DPP10: variants seen among roughly 807,000 people sequenced by gnomAD.
The protein encoded by DPP10 is inactive dipeptidyl peptidase 10.
In DPP10, 33 loss-of-function variants were observed where a neutral mutation model predicts 120.9. That is an observed-to-expected ratio of 0.27 (90% CI 0.21 to 0.37). The LOEUF is 0.37. Among genes scored for constraint, DPP10 ranks in the 10% least tolerant of loss-of-function variants. The pLI is 1.00. For missense variants in DPP10, 816 were observed against 942.8 expected, an observed-to-expected ratio of 0.87 and a Z score of 1.76; for synonymous variants, 337 against 326.1, an observed-to-expected ratio of 1.03 and a Z score of -0.36.
At chr2:115,695,222 T>C (rs1179153394) in intron 7 of DPP10, among the ~76,000 whole-genome samples, 3 of 152,168 alleles carry the variant, frequency 2.0e-5, no homozygotes, top group Non-Finnish European at 4.4e-5. Flanking sequence ...CTGAGAAGAC[T>C]TTTTTCACAT....
At chr2:115,122,124 G>A (rs1307673893) in intron 1 of DPP10, among the ~76,000 whole-genome samples, 5 of 152,186 alleles carry the variant, frequency 3.3e-5, no homozygotes, top group Non-Finnish European at 7.3e-5. Context: ...TGAACAGAGT[G>A]TTCCCCATTC....
chr2:115,477,238 A>T (rs1417066886), intron 3 of DPP10, among the ~76,000 whole-genome samples: 2 of 152,164 alleles, frequency 1.3e-5, no homozygotes, highest in Non-Finnish European at 2.9e-5. Context: ...TTCTGTTTAC[A>T]CATGATGTGG....
chr2:115,466,250 A>G (rs1051041236), intron 3 of DPP10, among the ~76,000 whole-genome samples: 9 of 152,242 alleles, frequency 5.9e-5, no homozygotes, highest in Non-Finnish European at 1.3e-4. Flanking sequence ...TTCACTTCAA[A>G]ACGTCTGATA....
intron 1 of DPP10, among the ~76,000 whole-genome samples, chr2:114,626,738 A>G (rs891279185): frequency 1.3e-5 from 2 of 152,118 alleles, no homozygotes; most frequent in African/African-American, 4.8e-5. Flanking sequence ...CTACCAAGTA[A>G]TATTTTAATA....
At chr2:115,675,131 G>C (rs919916703) in intron 5 of DPP10, among the ~76,000 whole-genome samples, 1 of 152,014 alleles carries the variant, frequency 6.6e-6, no homozygotes, top group African/African-American at 2.4e-5. Flanking sequence ...TTCCCTCAAA[G>C]ATGTTATCAT....
intron 5 of DPP10, among the ~76,000 whole-genome samples, chr2:115,650,610 T>G (rs1384241426): frequency 6.6e-6 from 1 of 152,076 alleles, no homozygotes; most frequent in Non-Finnish European, 1.5e-5. Context: ...ACTGTTATTG[T>G]TTACAGATTA....
At chr2:115,335,742 G>A (rs1200227653) in intron 2 of DPP10, among the ~76,000 whole-genome samples, 1 of 151,914 alleles carries the variant, frequency 6.6e-6, no homozygotes, top group South Asian at 2.1e-4. Flanking sequence ...ATTTCAATCA[G>A]CTAGTCAATA....
At chr2:115,352,923 C>T (rs1033490693) in intron 3 of DPP10, among the ~76,000 whole-genome samples, 8 of 151,842 alleles carry the variant, frequency 5.3e-5, no homozygotes, top group African/African-American at 9.7e-5. Context: ...CTGCTGTGTA[C>T]GCCCTGCCTC....
intron 2 of DPP10, among the ~76,000 whole-genome samples, chr2:115,323,010 A>C (rs2106114729): frequency 6.6e-6 from 1 of 152,298 alleles, no homozygotes; most frequent in South Asian, 2.1e-4. Context: ...TGGCTGTGAC[A>C]GTTTCTTAAA....
intron 1 of DPP10, among the ~76,000 whole-genome samples, chr2:114,874,771 G>T (rs1691012754): frequency 6.6e-6 from 1 of 152,080 alleles, no homozygotes; most frequent in African/African-American, 2.4e-5. Context: ...TGCTGGTATA[G>T]ATTATATTAC....
At chr2:115,289,999 G>A (rs1260722110) in intron 1 of DPP10, among the ~76,000 whole-genome samples, 1 of 151,984 alleles carries the variant, frequency 6.6e-6, no homozygotes, top group Non-Finnish European at 1.5e-5. Flanking sequence ...AAGTAAATGG[G>A]ACCTAATTAA....
intron 1 of DPP10, among the ~76,000 whole-genome samples, chr2:114,857,638 GT>G (rs1340259725): frequency 1.3e-5 from 2 of 152,146 alleles, no homozygotes; most frequent in Admixed American, 6.5e-5. Flanking sequence ...ACTAGAACTA[GT>G]AATAGTATTC....
chr2:115,568,469 G>A (rs924864637), intron 5 of DPP10, among the ~76,000 whole-genome samples: 14 of 152,010 alleles, frequency 9.2e-5, no homozygotes, highest in African/African-American at 2.7e-4. Context: ...GCGACAGAGC[G>A]AGACTCCGTC....
intron 1 of DPP10, among the ~76,000 whole-genome samples, chr2:114,631,225 G>A (rs900851253): frequency 2.6e-5 from 4 of 152,098 alleles, no homozygotes; most frequent in Non-Finnish European, 4.4e-5. Flanking sequence ...AGAGAGTGAG[G>A]AGCTGGAAGA....
intron 1 of DPP10, among the ~76,000 whole-genome samples, chr2:114,896,227 G>C (rs898167373): frequency 6.6e-6 from 1 of 151,926 alleles, no homozygotes; most frequent in African/African-American, 2.4e-5. Flanking sequence ...GCTCTTTTTT[G>C]GTTCCATATG....
chr2:115,163,909 A>C (rs1210112583), intron 1 of DPP10, among the ~76,000 whole-genome samples: 1 of 152,182 alleles, frequency 6.6e-6, no homozygotes, highest in Non-Finnish European at 1.5e-5. Flanking sequence ...ATACACAACA[A>C]ATCCCCTTGT....
At chr2:114,527,860 A>G (rs906735906) in intron 1 of DPP10, among the ~76,000 whole-genome samples, 5 of 152,178 alleles carry the variant, frequency 3.3e-5, no homozygotes, top group East Asian at 1.9e-4. Context: ...TAGCACAATG[A>G]TAAGCACGTA....
intron 5 of DPP10, among the ~76,000 whole-genome samples, chr2:115,687,716 G>T (rs2091077674): frequency 6.6e-6 from 1 of 151,984 alleles, no homozygotes; most frequent in Non-Finnish European, 1.5e-5. Flanking sequence ...ACCATTTGAA[G>T]ACATATAAGT....
chr2:115,755,872 T>A (rs2149764002), intron 11 of DPP10, among the ~76,000 whole-genome samples: 1 of 151,966 alleles, frequency 6.6e-6, no homozygotes, highest in African/African-American at 2.4e-5. Flanking sequence ...AATGAATGGA[T>A]TTTTAAAAAA....
Sources: gnomAD v4.1 joint callset for allele counts (sites outside exome capture counted in the v4.1 genomes callset) on GRCh38, gnomAD v4.1.1 for gene constraint, MANE v1.5 for transcripts, NCBI Gene and HGNC (gene_info 2026-07-23, HGNC 2026-07-21) for gene names.